Variants in CREB3L2 observed in about 807,000 individuals in gnomAD.
The protein encoded by CREB3L2 is cyclic AMP-responsive element-binding protein 3-like protein 2.
In CREB3L2, 23 loss-of-function variants were observed where a neutral mutation model predicts 57.2. That is an observed-to-expected ratio of 0.40 (90% confidence interval 0.29 to 0.57). CREB3L2 has a LOEUF of 0.57. CREB3L2 is among the 20% of genes least tolerant of loss of function. CREB3L2 has a pLI of 0.42. For missense variants in CREB3L2, 628 were observed against 634.7 expected (o/e 0.99, Z 0.11); for synonymous variants, 268 against 265.1 (o/e 1.01, Z -0.11).
chr7:137,914,895 C>CT (rs201867636), intron 3 of CREB3L2, among the ~76,000 whole-genome samples: 33 of 151,470 alleles, frequency 2.2e-4, no homozygotes, highest in Middle Eastern at 6.8e-3. Flanking sequence ...TTCTTTCTTT[C>CT]TTTTTTTTTA....
chr7:137,909,301 A>G (rs73456324), intron 4 of CREB3L2, among the ~76,000 whole-genome samples: 10,669 of 152,194 alleles, frequency 0.07, 1,115 homozygotes, highest in African/African-American at 0.23. Flanking sequence ...TCTTTCCTCA[A>G]GGAGGCACAA....
intron 1 of CREB3L2, among the ~76,000 whole-genome samples, chr7:137,974,074 C>T (rs1177888669): frequency 6.6e-6 from 1 of 152,006 alleles, no homozygotes; most frequent in African/African-American, 2.4e-5. Context: ...AAATCAACCT[C>T]CTTGTGTAAA....
chr7:137,900,869 C>T (rs1447326142), intron 8 of CREB3L2, among the ~76,000 whole-genome samples: 1 of 152,056 alleles, frequency 6.6e-6, no homozygotes, highest in Non-Finnish European at 1.5e-5. Context: ...TCATTTGCTA[C>T]TAAAATTAGA....
rs763405759 is a variant in CREB3L2 at position 137,904,012 on chromosome 7, A to G, written c.921T>C (p.Ser307=). ...KIRRKIKNKI[S]AQESRRKKKE... ...TCTTCTTTCTCCTACTTTCCTGAGCAGAAATCTGAGAGAGAGGAGTGGGAG... is the reference window on the plus strand; with the variant it reads ...TCTTCTTTCTCCTACTTTCCTGAGCGGAAATCTGAGAGAGAGGAGTGGGAG... Residue 307 remains serine (S), a synonymous_variant, in exon 7 of 12, where the codon TCT becomes TCC. Transcript: ENST00000330387. 7 of 1,612,660 alleles carry G rather than the reference A, an allele frequency of 4.3e-6. No homozygotes were observed. In the East Asian group the frequency reaches 1.6e-4, roughly 36 times the overall value.
At position 137,878,929 on chromosome 7, in the gene CREB3L2, G is replaced by T; in HGVS notation, c.*1547C>A. On this transcript the variant is annotated 3_prime_UTR_variant, in exon 12 of 12. Coordinates refer to ENST00000330387, the MANE Select transcript of CREB3L2 (RefSeq NM_194071.4). Reference sequence around the variant, plus strand: ...CGTGTGTGGGGGTGGGTGGTGGGGGGAGAGAGAGAAGGAGAGACAGAGAGA... The same window carrying T: ...CGTGTGTGGGGGTGGGTGGTGGGGGTAGAGAGAGAAGGAGAGACAGAGAGA... 2.5e-6 allele frequency: 1 copy of T among 398,502 alleles called. No homozygotes were observed. Among genetic ancestry groups the T allele is most frequent in the South Asian group, 2.5e-5 (1 of 40,214 alleles). The allele number at this position is 398,502 out of a possible 1,614,324, so 24.7% of individuals were successfully genotyped here.
At chr7:137,956,468 A>T in intron 1 of CREB3L2, 1 of 449,922 alleles carries the variant, frequency 2.2e-6, no homozygotes, top group Non-Finnish European at 4.0e-6. Flanking sequence ...AATAGAATTA[A>T]TTTGAAGTCA....
At chr7:137,922,467 TATAC>T (rs1357149603) in intron 2 of CREB3L2, 1 of 133,142 alleles carries the variant, frequency 7.5e-6, no homozygotes, top group African/African-American at 3.8e-5. Context: ...CACATATATA[TATAC>T]ACACATATAT....
chr7:137,887,031 T>C (rs1417213065), intron 8 of CREB3L2, among the ~76,000 whole-genome samples: 1 of 152,212 alleles, frequency 6.6e-6, no homozygotes, highest in Non-Finnish European at 1.5e-5. Context: ...GGAAAGATTT[T>C]ATGAGCAGAT....
At position 137,876,900 on chromosome 7, in the gene CREB3L2, G is replaced by T; in HGVS notation, c.*3576C>A. 4.3e-6 allele frequency: 1 copy of T among 232,354 alleles called. No homozygotes were observed. Among genetic ancestry groups the T allele is most frequent in the Non-Finnish European group, 8.5e-6 (1 of 117,470 alleles). The allele number at this position is 232,354 out of a possible 1,614,324, so 14.4% of individuals were successfully genotyped here. Reference sequence around the variant, plus strand: ...CATGAATGGGCCATTATTCAACTGGGGGTGGGATGTCTCCATTTCTGGACT... The same window carrying T: ...CATGAATGGGCCATTATTCAACTGGTGGTGGGATGTCTCCATTTCTGGACT... On this transcript the variant is annotated 3_prime_UTR_variant, in exon 12 of 12. Coordinates refer to ENST00000330387, the MANE Select transcript of CREB3L2 (RefSeq NM_194071.4).
In CREB3L2 at chr7:137,877,203, A is replaced by G. The variant is rs540360835; in HGVS notation, c.*3273T>C. On this transcript the variant is annotated 3_prime_UTR_variant, in exon 12 of 12. Transcript: ENST00000330387. ...GAAGAAAAAAAAAAACATGGTAATTATAAGGGGTCTGTGAATAAGTTAAAC... is the reference window on the plus strand; with the variant it reads ...GAAGAAAAAAAAAAACATGGTAATTGTAAGGGGTCTGTGAATAAGTTAAAC... 13 of 228,204 alleles carry G rather than the reference A, an allele frequency of 5.7e-5. No homozygotes were observed. The South Asian group carries it at 2.0e-3, about 35-fold the overall frequency. The allele number at this position is 228,204 out of a possible 1,614,324, so 14.1% of individuals were successfully genotyped here.
At chr7:137,972,701 A>ACG (rs1210424140) in intron 1 of CREB3L2, among the ~76,000 whole-genome samples, 1 of 45,242 alleles carries the variant, frequency 2.2e-5, no homozygotes, top group African/African-American at 1.1e-4. Flanking sequence ...AAAAAAAAAA[A>ACG]AAAAAAAAAA....
chr7:137,955,316 A>G, intron 1 of CREB3L2: 6 of 1,289,152 alleles, frequency 4.7e-6, no homozygotes, highest in Non-Finnish European at 6.1e-6. Flanking sequence ...GGTGGATTGA[A>G]GCTGGTCGCA....
At chr7:137,904,728 G>A (rs1233965316) in intron 6 of CREB3L2, among the ~76,000 whole-genome samples, 1 of 151,010 alleles carries the variant, frequency 6.6e-6, no homozygotes, top group Non-Finnish European at 1.5e-5. Flanking sequence ...GGTTCCAGAT[G>A]CTTGGGAGGC....
At chr7:137,984,670 T>C (rs1304767935) in intron 1 of CREB3L2, among the ~76,000 whole-genome samples, 1 of 152,272 alleles carries the variant, frequency 6.6e-6, no homozygotes, top group Non-Finnish European at 1.5e-5. Flanking sequence ...TCTTATTTTG[T>C]TGCTCCTGCA....
rs984754430 is a variant in CREB3L2, at chr7:137,876,582, C to T, written c.*3894G>A. The T allele has an allele frequency of 8.6e-6, 2 of 233,010 alleles. No individual in the cohort carries two copies. The highest frequency in any genetic ancestry group is 2.2e-5 in the African/African-American group (1 of 45,294). The allele number at this position is 233,010 out of a possible 1,614,324, so 14.4% of individuals were successfully genotyped here. A position where few individuals can be genotyped will look rare whatever the true frequency, so the allele number is the denominator to read the frequency against. ...GTCTCTGGATCCTTCACAGCCCTCA[C>T]GTCACCACCACCTACTCTCTCCTGT... On this transcript the variant is annotated 3_prime_UTR_variant, in exon 12 of 12. Transcript: ENST00000330387.
At chr7:137,979,681 G>A (rs192954767) in intron 1 of CREB3L2, among the ~76,000 whole-genome samples, 1,826 of 152,198 alleles carry the variant, frequency 0.012, 43 homozygotes, top group African/African-American at 0.041. Flanking sequence ...AGCCGAGATC[G>A]TGCCACTGCA....
intron 8 of CREB3L2, among the ~76,000 whole-genome samples, chr7:137,891,987 A>G (rs561623193): frequency 6.6e-6 from 1 of 152,254 alleles, no homozygotes; most frequent in Non-Finnish European, 1.5e-5. Context: ...ATGTGTGTAA[A>G]CTATTCCCTG....
At chr7:137,949,315 A>G (rs903561175) in intron 1 of CREB3L2, among the ~76,000 whole-genome samples, 1 of 152,242 alleles carries the variant, frequency 6.6e-6, no homozygotes, top group African/African-American at 2.4e-5. Flanking sequence ...ACGTTTAAAA[A>G]AGAACATGTC....
At chr7:137,965,615 C>T (rs1035819986) in intron 1 of CREB3L2, among the ~76,000 whole-genome samples, 3 of 152,166 alleles carry the variant, frequency 2.0e-5, no homozygotes, top group Non-Finnish European at 4.4e-5. Flanking sequence ...ATTAAAGTTT[C>T]AAGGAAGTGA....
Sources: gnomAD v4.1 joint callset for allele counts (sites outside exome capture counted in the v4.1 genomes callset) on GRCh38, gnomAD v4.1.1 for gene constraint, MANE v1.5 for transcripts, NCBI Gene and HGNC (gene_info 2026-07-23, HGNC 2026-07-21) for gene names.